The following DNAJC3 variants were observed in gnomAD, a reference collection of about 807,000 sequenced individuals.
DNAJC3 encodes the protein DnaJ heat shock protein family (Hsp40) member C3, also known as dnaJ homolog subfamily C member 3.
In DNAJC3, 38 loss-of-function variants were observed where a neutral mutation model predicts 68.6. The observed-to-expected ratio is 0.55, with a 90% CI of 0.43 to 0.73. The LOEUF is 0.73. Ranked by LOEUF, DNAJC3 falls within the 30% of genes least tolerant of loss-of-function variation. DNAJC3 has a pLI of 0.00. For missense variants in DNAJC3, 526 were observed against 591.9 expected (o/e 0.89, Z 1.16); for synonymous variants, 203 against 204.0 (o/e 1.00, Z 0.04).
At chr13:95,713,647 T>C (rs971074713) in intron 2 of DNAJC3, among the ~76,000 whole-genome samples, 3 of 152,342 alleles carry the variant, frequency 2.0e-5, no homozygotes, top group African/African-American at 7.2e-5. Flanking sequence ...AAATGTCTTA[T>C]GGAAATGCAA....
At chr13:95,683,308 C>T (rs1879974881) in intron 1 of DNAJC3, among the ~76,000 whole-genome samples, 1 of 151,998 alleles carries the variant, frequency 6.6e-6, no homozygotes, top group Non-Finnish European at 1.5e-5. Context: ...TAGATCTGTG[C>T]CCCACCCAAA....
In DNAJC3 at chr13:95,727,527, T is replaced by G. The variant is rs1200904445; in HGVS notation, c.393+2275T>G. 2.0e-5 allele frequency among the ~76,000 whole-genome samples: 3 copies of G among 152,362 alleles called. No homozygotes were observed. In the East Asian group the frequency reaches 5.8e-4, roughly 29 times the overall value. On this transcript the variant is annotated intron_variant, in intron 4 of 11. Coordinates refer to ENST00000602402, the MANE Select transcript of DNAJC3 (RefSeq NM_006260.5). ...AATGCATATCTGTCTTTAATAATCT[T>G]TTAGTTTTAATTGAACTTTTTACTG...
intron 1 of DNAJC3, among the ~76,000 whole-genome samples, chr13:95,683,496 C>T (rs918789312): frequency 5.9e-5 from 9 of 152,210 alleles, no homozygotes; most frequent in Non-Finnish European, 1.3e-4. Flanking sequence ...TGTCTTCCTC[C>T]GGCTCTGGCC....
intron 4 of DNAJC3, chr13:95,744,815 A>G (rs368761258): frequency 4.6e-5 from 7 of 152,250 alleles, no homozygotes; most frequent in African/African-American, 1.7e-4. Context: ...AAATCAGTGC[A>G]TACAGTGCGC....
At chr13:95,762,188 G>A (rs1882845181) in intron 7 of DNAJC3, among the ~76,000 whole-genome samples, 1 of 152,136 alleles carries the variant, frequency 6.6e-6, no homozygotes, top group South Asian at 2.1e-4. Flanking sequence ...CTTGAACCCG[G>A]GAAGTTGAGG....
At chr13:95,790,792 CT>C in intron 11 of DNAJC3, 80 bp from the exon 12 acceptor site, 1 of 1,416,384 alleles carries the variant, frequency 7.1e-7, no homozygotes, top group Non-Finnish European at 9.6e-7. Context: ...CCCACCCACC[CT>C]CCTCTGCCCA....
chr13:95,709,463 G>A (rs1880877747), intron 2 of DNAJC3, 126 bp downstream of exon 2: 3 of 692,326 alleles, frequency 4.3e-6, no homozygotes, highest in African/African-American at 1.9e-5. Context: ...AAATATATTT[G>A]TGGGATTCTG....
At chr13:95,756,346 C>T (rs560857320) in intron 4 of DNAJC3, among the ~76,000 whole-genome samples, 1 of 152,284 alleles carries the variant, frequency 6.6e-6, no homozygotes, top group East Asian at 1.9e-4. Flanking sequence ...GCAATCATTC[C>T]GGGAAACCCT....
In DNAJC3 at chr13:95,709,345, T is replaced by G. The variant is rs1880873283; in HGVS notation, c.193+8T>G. 1 of 1,577,238 alleles carries G rather than the reference T, an allele frequency of 6.3e-7. No homozygotes were observed. The highest frequency in any genetic ancestry group is 8.6e-7 in the Non-Finnish European group (1 of 1,163,978). On this transcript the variant is annotated splice_region_variant and intron_variant, in intron 2 of 11. Transcript: ENST00000602402. ...AGTTTCATGCTGCCGTAGGTTTGTA[T>G]CATGGAACCAAATCACTCAGTGTCT... is the stretch of plus-strand genomic sequence containing the variant.
intron 9 of DNAJC3, among the ~76,000 whole-genome samples, chr13:95,769,270 T>G (rs1475118812): frequency 6.6e-6 from 1 of 152,176 alleles, no homozygotes; most frequent in Non-Finnish European, 1.5e-5. Flanking sequence ...CAGGCCTGCC[T>G]CCTGGGCATG....
chr13:95,775,000 C>T (rs1425244501), intron 9 of DNAJC3, among the ~76,000 whole-genome samples: 2 of 152,216 alleles, frequency 1.3e-5, no homozygotes, highest in Non-Finnish European at 2.9e-5. Context: ...TGTAGGTCTG[C>T]CATTTTACTA....
At chr13:95,688,936 GT>G (rs1880146074) in intron 1 of DNAJC3, among the ~76,000 whole-genome samples, 7 of 147,564 alleles carry the variant, frequency 4.7e-5, no homozygotes, top group Non-Finnish European at 1.0e-4. Context: ...GGGTGTGTGT[GT>G]GTGTGTGTGT....
At chr13:95,771,142 T>C (rs1014743886) in intron 9 of DNAJC3, among the ~76,000 whole-genome samples, 14 of 152,304 alleles carry the variant, frequency 9.2e-5, no homozygotes, top group African/African-American at 3.4e-4. Flanking sequence ...GGTTTACTTT[T>C]CCCCCAGATA....
At chr13:95,692,024 C>T (rs1487401492) in intron 1 of DNAJC3, among the ~76,000 whole-genome samples, 2 of 151,598 alleles carry the variant, frequency 1.3e-5, no homozygotes, top group South Asian at 2.1e-4. Flanking sequence ...AGCTTCAGCT[C>T]GGCATCAGAG....
chr13:95,790,388 A>T (rs1883731704), intron 11 of DNAJC3, among the ~76,000 whole-genome samples: 2 of 151,930 alleles, frequency 1.3e-5, no homozygotes, highest in African/African-American at 2.4e-5. Flanking sequence ...AACCTCCTGG[A>T]GTTGTATGTT....
chr13:95,696,535 C>T (rs1257702627), intron 1 of DNAJC3, among the ~76,000 whole-genome samples: 1 of 152,156 alleles, frequency 6.6e-6, no homozygotes, highest in Non-Finnish European at 1.5e-5. Flanking sequence ...GATGCTGTCA[C>T]TCACCATTGT....
intron 4 of DNAJC3, among the ~76,000 whole-genome samples, chr13:95,741,857 G>C (rs1278238056): frequency 2.0e-5 from 3 of 152,208 alleles, no homozygotes; most frequent in Admixed American, 6.5e-5. Context: ...GAAATCCTCA[G>C]GCCCCAGGAT....
At chr13:95,748,079 A>G (rs1406815585) in intron 4 of DNAJC3, among the ~76,000 whole-genome samples, 2 of 152,206 alleles carry the variant, frequency 1.3e-5, no homozygotes, top group Non-Finnish European at 2.9e-5. Flanking sequence ...AAACTCATCT[A>G]TTCTTGGTCT....
chr13:95,735,708 A>G (rs1881887971), intron 4 of DNAJC3, among the ~76,000 whole-genome samples: 1 of 150,456 alleles, frequency 6.6e-6, no homozygotes, highest in Admixed American at 6.6e-5. Flanking sequence ...TTCATTGTAG[A>G]TTCTGGATAT....
Sources: gnomAD v4.1 joint callset for allele counts (sites outside exome capture counted in the v4.1 genomes callset) on GRCh38, gnomAD v4.1.1 for gene constraint, MANE v1.5 for transcripts, NCBI Gene and HGNC (gene_info 2026-07-23, HGNC 2026-07-21) for gene names.